LARP4B: variants seen among roughly 807,000 people sequenced by gnomAD.
The protein encoded by LARP4B is la-related protein 4B.
A neutral mutation model predicts 89.8 loss-of-function variants in LARP4B; 12 were observed. That is an observed-to-expected ratio of 0.13 (90% CI 0.09 to 0.22). LARP4B has a LOEUF of 0.22. LARP4B is among the 10% of genes least tolerant of loss of function. LARP4B has a pLI of 1.00. For synonymous variants in LARP4B, 367 were observed against 363.3 expected (o/e 1.01, Z -0.12); for missense variants, 757 against 947.7 (o/e 0.80, Z 2.64).
intron 3 of LARP4B, among the ~76,000 whole-genome samples, chr10:876,298 C>T (rs900478023): frequency 6.6e-5 from 10 of 152,028 alleles, no homozygotes; most frequent in African/African-American, 2.4e-4. Flanking sequence ...GCAGGAGAAT[C>T]GCTTGAACCC....
chr10:904,971 C>A (rs189804580), intron 1 of LARP4B, among the ~76,000 whole-genome samples: 1 of 152,166 alleles, frequency 6.6e-6, no homozygotes, highest in Non-Finnish European at 1.5e-5. Context: ...CCTCATTTCA[C>A]GCTAAATTTA....
chr10:858,662 C>T (rs1417927470), intron 5 of LARP4B, among the ~76,000 whole-genome samples: 1 of 152,122 alleles, frequency 6.6e-6, no homozygotes, highest in Non-Finnish European at 1.5e-5. Flanking sequence ...GGGATTAATA[C>T]ACAGAATATA....
intron 1 of LARP4B, among the ~76,000 whole-genome samples, chr10:892,380 C>G (rs1340968660): frequency 6.6e-6 from 1 of 152,128 alleles, no homozygotes; most frequent in Non-Finnish European, 1.5e-5. Context: ...AAATCAGTTT[C>G]TAAAAATTTC....
At chr10:806,945 C>T (rs11253451), downstream of LARP4B, 52,588 of 152,284 alleles carry the variant, frequency 0.35, 10,100 homozygotes, top group South Asian at 0.46. Flanking sequence ...TTGGTCCATA[C>T]GCAACAGTTA....
At position 814,313 on chromosome 10, in the gene LARP4B, T is replaced by C. The variant is rs1314741772; in HGVS notation, c.1929+429A>G. ...AACAGCAGAAAGGAAGTCGCTGGGGTTCAGGCCTGCTGGGCCCACAGGGGT... is the reference window on the plus strand; with the variant it reads ...AACAGCAGAAAGGAAGTCGCTGGGGCTCAGGCCTGCTGGGCCCACAGGGGT... On this transcript the variant is annotated intron_variant, in intron 17 of 17. Coordinates refer to ENST00000316157, the MANE Select transcript of LARP4B (RefSeq NM_015155.3). The surrounding 1 kb of genome is among the most constrained non-coding windows in gnomAD (Gnocchi z 4.4). The C allele has an allele frequency of 1.0e-5, 3 of 294,394 alleles. No homozygotes were observed. The highest frequency in any genetic ancestry group is 5.0e-5 in the Admixed American group (1 of 19,866). 18.2% of individuals were successfully genotyped at this position (294,394 alleles called of 1,614,324 possible).
intron 1 of LARP4B, among the ~76,000 whole-genome samples, chr10:893,734 C>T (rs1419402540): frequency 6.6e-6 from 1 of 152,180 alleles, no homozygotes; most frequent in African/African-American, 2.4e-5. Context: ...ATGAAGACAA[C>T]TGGTCCCATC....
At chr10:826,012 T>A (rs1832603354) in intron 11 of LARP4B, 142 bp from the exon 12 acceptor site, 2 of 620,304 alleles carry the variant, frequency 3.2e-6, no homozygotes, top group Non-Finnish European at 5.7e-6. Flanking sequence ...ATTTTACAAT[T>A]TTATCACCAA....
At chr10:908,180 TC>T (rs1201003598) in intron 1 of LARP4B, among the ~76,000 whole-genome samples, 6 of 152,076 alleles carry the variant, frequency 3.9e-5, no homozygotes, top group African/African-American at 1.4e-4. Context: ...GCCACTGCAC[TC>T]CAGCCTGGGT....
At chr10:922,326 T>C (rs1363644555) in intron 1 of LARP4B, among the ~76,000 whole-genome samples, 1 of 152,186 alleles carries the variant, frequency 6.6e-6, no homozygotes, top group Non-Finnish European at 1.5e-5. Context: ...TACCAGGCCA[T>C]GATGGGTACG....
At chr10:888,442 A>G (rs989708926) in intron 1 of LARP4B, among the ~76,000 whole-genome samples, 6 of 152,198 alleles carry the variant, frequency 3.9e-5, no homozygotes, top group African/African-American at 1.4e-4. Flanking sequence ...CTAAATTCAG[A>G]TATATTTAAG....
chr10:878,566 A>G (rs555040184), intron 3 of LARP4B, among the ~76,000 whole-genome samples: 13 of 152,244 alleles, frequency 8.5e-5, no homozygotes, highest in Non-Finnish European at 1.8e-4. Flanking sequence ...AGGATCTGGC[A>G]GTGGATTACC....
the LARP4B span, among the ~76,000 whole-genome samples, chr10:984,708 T>C: frequency 6.6e-6 from 1 of 152,118 alleles, no homozygotes; most frequent in Non-Finnish European, 1.5e-5. Flanking sequence ...TCCATTTAAA[T>C]ACCAAACAAT....
Position 894,317 on chromosome 10 carries a change from A to G in LARP4B, c.-39-8557T>C, listed in dbSNP as rs367939623. 4.6e-5 allele frequency among the ~76,000 whole-genome samples: 7 copies of G among 152,248 alleles called. No homozygotes were observed. In the East Asian group the frequency reaches 1.3e-3, roughly 29 times the overall value. On this transcript the variant is annotated intron_variant, in intron 1 of 17. Coordinates refer to ENST00000316157, the MANE Select transcript of LARP4B (RefSeq NM_015155.3). ...CCAATTTAAAGGGAATTCTAGGGAAATACATGTTAAATCACACCAGCACAA... is the reference window on the plus strand; with the variant it reads ...CCAATTTAAAGGGAATTCTAGGGAAGTACATGTTAAATCACACCAGCACAA...
intron 14 of LARP4B, 21 bp from the exon 15 acceptor site, chr10:817,910 AGGGTCAC>A (rs1268200312): frequency 1.2e-6 from 2 of 1,608,948 alleles, no homozygotes; most frequent in Non-Finnish European, 1.7e-6. Flanking sequence ...ATGACACCCC[AGGGTCAC>A]GGTATGGAGA....
upstream of LARP4B, among the ~76,000 whole-genome samples, chr10:931,940 C>T (rs912429184): frequency 6.1e-4 from 91 of 149,162 alleles, no homozygotes; most frequent in Admixed American, 1.7e-3. Context: ...CGTGCGCGCA[C>T]ATCGCCCCGC....
At chr10:827,991 T>A (rs74115589) in intron 11 of LARP4B, among the ~76,000 whole-genome samples, 24 of 152,318 alleles carry the variant, frequency 1.6e-4, no homozygotes, top group African/African-American at 5.5e-4. Flanking sequence ...TCAGGGGGAA[T>A]TGGGGTCCTC....
chr10:822,435 G>A lies in LARP4B; in HGVS notation c.1485-1590C>T, dbSNP rs548691315. On this transcript the variant is annotated intron_variant, in intron 13 of 17. Coordinates refer to ENST00000316157, the MANE Select transcript of LARP4B (RefSeq NM_015155.3). This position sits in a 1 kb window ranked among gnomAD's most constrained non-coding sequence, Gnocchi z 4.6. ...GGGCACCCATCCCTTGGAACACAGC[G>A]GTGTCCAGGACACAGACCTGCCTGC... 6.6e-5 allele frequency among the ~76,000 whole-genome samples: 10 copies of A among 152,300 alleles called. No individual in the cohort carries two copies. The highest frequency in any genetic ancestry group is 3.9e-4 in the East Asian group (2 of 5,178).
intron 1 of LARP4B, among the ~76,000 whole-genome samples, chr10:908,866 G>T (rs1260129708): frequency 6.6e-6 from 1 of 152,170 alleles, no homozygotes; most frequent in East Asian, 1.9e-4. Context: ...AGCACGGGGG[G>T]GGCCTCCCTT....
chr10:959,438 C>T, the LARP4B span, among the ~76,000 whole-genome samples: 2 of 100,908 alleles, frequency 2.0e-5, no homozygotes, highest in South Asian at 3.7e-4. Context: ...AATCCACCTC[C>T]CCATCAATCC....
Sources: gnomAD v4.1 joint callset for allele counts (sites outside exome capture counted in the v4.1 genomes callset) on GRCh38, gnomAD v4.1.1 for gene constraint, Gnocchi (gnomAD v3.1) non-coding constraint, MANE v1.5 for transcripts, NCBI Gene and HGNC (gene_info 2026-07-23, HGNC 2026-07-21) for gene names.